Variants in NUDT5 observed in about 807,000 individuals in gnomAD.
NUDT5 encodes the protein ADP-sugar pyrophosphatase.
In NUDT5, 21 loss-of-function variants were observed where a neutral mutation model predicts 34.1. That is an observed-to-expected ratio of 0.62 (90% CI 0.44 to 0.89). The LOEUF (loss-of-function observed/expected upper bound fraction) is 0.89, where lower values mean the gene tolerates loss of function less well. Ranked by LOEUF, NUDT5 falls within the 40% of genes least tolerant of loss-of-function variation. The pLI, the probability that NUDT5 is intolerant of heterozygous loss-of-function variation, is 0.00. For missense variants in NUDT5, 249 were observed against 274.8 expected, an observed-to-expected ratio of 0.91 and a Z score of 0.66; for synonymous variants, 85 against 97.6, an observed-to-expected ratio of 0.87 and a Z score of 0.76.
intron 4 of NUDT5, 121 bp from the exon 5 acceptor site, chr10:12,178,021 C>T (rs1215870624): frequency 1.6e-6 from 1 of 616,376 alleles, no homozygotes; most frequent in Non-Finnish European, 2.9e-6. Context: ...ATCTACAATA[C>T]TGGCAGTTAA....
In NUDT5 at chr10:12,173,749, G is replaced by A. The variant is rs1277581625; in HGVS notation, c.354C>T (p.Gly118=). The stretch of plus-strand genomic sequence containing the variant: ...AACATTCGGCAATGTCCCCTTTGTA[G>A]CCAGTTTCTTCTTCAAGCTCCCGGA... The part of the protein sequence containing the change: ...AALRELEEET[G]YKGDIAECSP... Residue 118 remains glycine (G), a synonymous_variant, in exon 6 of 10, where the codon GGC becomes GGT. Coordinates refer to ENST00000491614, the MANE Select transcript of NUDT5 (RefSeq NM_014142.4). The surrounding 1 kb of genome is among the most constrained non-coding windows in gnomAD (Gnocchi z 4.7). 1.2e-6 allele frequency: 2 copies of A among 1,613,962 alleles called. No homozygotes were observed. The highest frequency in any genetic ancestry group is 4.5e-5 in the East Asian group (2 of 44,878).
In NUDT5 at chr10:12,168,063, T is replaced by C. The variant is rs911987261; in HGVS notation, c.551-252A>G. On this transcript the variant is annotated intron_variant, in intron 9 of 9. Transcript: ENST00000491614. This position sits in a 1 kb window ranked among gnomAD's most constrained non-coding sequence, Gnocchi z 4.8. ...TTTTGGTGAGACAGTCTCGCTCTGT[T>C]GCCCAAGCTAGAGGGCAATGGCGTG... Among the ~76,000 whole-genome samples, 2 of 152,036 alleles carry C rather than the reference T, an allele frequency of 1.3e-5. No individual in the cohort carries two copies. Among genetic ancestry groups the C allele is most frequent in the Non-Finnish European group, 2.9e-5 (2 of 67,984 alleles).
intron 1 of NUDT5, among the ~76,000 whole-genome samples, chr10:12,188,932 C>T (rs1224495757): frequency 6.6e-6 from 1 of 152,106 alleles, no homozygotes; most frequent in Admixed American, 6.6e-5. Flanking sequence ...ACGGAGTGAT[C>T]AGGCAAGGCC....
chr10:12,179,870 A>T (rs112738344), intron 3 of NUDT5, among the ~76,000 whole-genome samples: 171 of 152,316 alleles, frequency 1.1e-3, no homozygotes, highest in African/African-American at 4.1e-3. Flanking sequence ...TTACTGACAC[A>T]ATTATGCAGT....
rs1320837173 is a variant in NUDT5, at chr10:12,171,013, CCTGGGTTT to C, written c.488-113_488-106del. ...AAAGGCTTTGAGAATTTCACAGAAG[CCTGGGTTT>C]CTGCTAACTTAATTTATATACATTG... On this transcript the variant is annotated intron_variant, in intron 7 of 9. Transcript: ENST00000491614. This position sits in a 1 kb window ranked among gnomAD's most constrained non-coding sequence, Gnocchi z 4.2. 5 of 1,216,284 alleles carry C rather than the reference CCTGGGTTT, an allele frequency of 4.1e-6. No individual in the cohort carries two copies. The highest frequency in any genetic ancestry group is 2.3e-6 in the Non-Finnish European group (2 of 853,116). 75.3% of individuals were successfully genotyped at this position (1,216,284 alleles called of 1,614,324 possible).
intron 1 of NUDT5, among the ~76,000 whole-genome samples, chr10:12,188,525 G>A (rs1246246455): frequency 2.0e-5 from 3 of 152,122 alleles, no homozygotes; most frequent in African/African-American, 7.2e-5. Flanking sequence ...GAGGTCAAGA[G>A]ATGGAGACCA....
At chr10:12,172,726 G>A (rs1834878418) in intron 7 of NUDT5, 39 bp downstream of exon 7, 2 of 1,406,358 alleles carry the variant, frequency 1.4e-6, no homozygotes, top group Non-Finnish European at 2.0e-6. Flanking sequence ...GACACGTAAT[G>A]CAACCACACC....
chr10:12,190,962 C>A (rs1047205061), intron 1 of NUDT5, among the ~76,000 whole-genome samples: 4 of 152,106 alleles, frequency 2.6e-5, no homozygotes, highest in African/African-American at 9.7e-5. Context: ...ACCAAGAGTG[C>A]AGAGAAAGCA....
At chr10:12,192,338 G>C (rs957370908) in intron 1 of NUDT5, among the ~76,000 whole-genome samples, 3 of 151,722 alleles carry the variant, frequency 2.0e-5, no homozygotes, top group Admixed American at 6.6e-5. Context: ...AAGAAATTAA[G>C]TGGGAGAGAG....
intron 1 of NUDT5, among the ~76,000 whole-genome samples, chr10:12,186,775 A>C (rs980026545): frequency 1.1e-4 from 17 of 151,764 alleles, no homozygotes; most frequent in Non-Finnish European, 2.1e-4. Context: ...TTACAGGCAT[A>C]CATCACCAGG....
chr10:12,169,998 C>A lies in NUDT5; in HGVS notation c.550+719G>T. The A allele has an allele frequency of 2.3e-6, 2 of 886,604 alleles. No homozygotes were observed. The highest frequency in any genetic ancestry group is 3.6e-6 in the Non-Finnish European group (2 of 557,318). 54.9% of individuals were successfully genotyped at this position (886,604 alleles called of 1,614,324 possible). On this transcript the variant is annotated intron_variant, in intron 9 of 9. Coordinates refer to ENST00000491614, the MANE Select transcript of NUDT5 (RefSeq NM_014142.4). The surrounding 1 kb of genome is among the most constrained non-coding windows in gnomAD (Gnocchi z 4.8). The stretch of plus-strand genomic sequence containing the variant: ...TTTCTAGATGAGTGAAAGGGATTTG[C>A]CAGCCCATACAGAGGTGCTCCTTGA...
rs1364524811 is a variant in NUDT5 at position 12,169,927 on chromosome 10, C to T, written c.550+790G>A. ...AAAATCAGTTATCAATTACCTAAAACACTTATACCCAATAAAATATTCCCA... is the reference window on the plus strand; with the variant it reads ...AAAATCAGTTATCAATTACCTAAAATACTTATACCCAATAAAATATTCCCA... On this transcript the variant is annotated intron_variant, in intron 9 of 9. Coordinates refer to ENST00000491614, the MANE Select transcript of NUDT5 (RefSeq NM_014142.4). This position sits in a 1 kb window ranked among gnomAD's most constrained non-coding sequence, Gnocchi z 4.8. 1.8e-5 allele frequency: 10 copies of T among 550,270 alleles called. No homozygotes were observed. The highest frequency in any genetic ancestry group is 3.3e-5 in the Admixed American group (1 of 30,748). 34.1% of individuals were successfully genotyped at this position (550,270 alleles called of 1,614,324 possible).
intron 5 of NUDT5, among the ~76,000 whole-genome samples, chr10:12,176,578 T>C (rs1199751834): frequency 6.6e-6 from 1 of 152,158 alleles, no homozygotes; most frequent in Non-Finnish European, 1.5e-5. Context: ...CACTCCAGCC[T>C]GGGCAACAGA....
rs376009270 is a variant in NUDT5 at position 12,181,876 on chromosome 10, CG to C, written c.132-2745del. On this transcript the variant is annotated intron_variant, in intron 3 of 9. Coordinates refer to ENST00000491614, the MANE Select transcript of NUDT5 (RefSeq NM_014142.4). This position sits in a 1 kb window ranked among gnomAD's most constrained non-coding sequence, Gnocchi z 5.0. ...GGATATGGCCGGATGCGGTGGCTCA[CG>C]ACTGTAGTCCTAGCACTTTGGGAGG... Among the ~76,000 whole-genome samples the C allele has an allele frequency of 4.7e-4, 72 of 152,130 alleles. No homozygotes were observed. The highest frequency in any genetic ancestry group is 1.7e-3 in the African/African-American group (71 of 41,510).
Position 12,171,058 on chromosome 10 carries a change from C to A in NUDT5, c.488-150G>T. On this transcript the variant is annotated intron_variant, in intron 7 of 9. Coordinates refer to ENST00000491614, the MANE Select transcript of NUDT5 (RefSeq NM_014142.4). This position sits in a 1 kb window ranked among gnomAD's most constrained non-coding sequence, Gnocchi z 4.2. ...ATTTATATACATTGTCAAACTCGAG[C>A]AGTATGAAGTTATTGTTCTCCACAT... The A allele has an allele frequency of 1.3e-6, 1 of 798,442 alleles. No individual in the cohort carries two copies. The highest frequency in any genetic ancestry group is 2.6e-5 in the Admixed American group (1 of 38,012). The allele number at this position is 798,442 out of a possible 1,614,324, so 49.5% of individuals were successfully genotyped here.
intron 1 of NUDT5, among the ~76,000 whole-genome samples, chr10:12,191,718 GT>G (rs1835234207): frequency 1.3e-5 from 2 of 152,194 alleles, no homozygotes; most frequent in Admixed American, 1.3e-4. Context: ...GAGATCCTAT[GT>G]AAAAAATGAA....
rs567931595 is a variant in NUDT5, at chr10:12,170,360, C to A, written c.550+357G>T. On this transcript the variant is annotated intron_variant, in intron 9 of 9. Coordinates refer to ENST00000491614, the MANE Select transcript of NUDT5 (RefSeq NM_014142.4). This position sits in a 1 kb window ranked among gnomAD's most constrained non-coding sequence, Gnocchi z 4.9. Reference sequence around the variant, plus strand: ...AAGGACCATCCCTCATACTAGCATACTTGAGGAAAAGCTAACAGCTTATCT... The same window carrying A: ...AAGGACCATCCCTCATACTAGCATAATTGAGGAAAAGCTAACAGCTTATCT... 151 of 684,840 alleles carry A rather than the reference C, an allele frequency of 2.2e-4. 1 individual carries two copies. The South Asian group carries it at 2.7e-3, about 12-fold the overall frequency. The allele number at this position is 684,840 out of a possible 1,614,324, so 42.4% of individuals were successfully genotyped here.
At position 12,170,948 on chromosome 10, in the gene NUDT5, G is replaced by A. The variant is rs1216682918; in HGVS notation, c.488-40C>T. 6.2e-7 allele frequency: 1 copy of A among 1,608,992 alleles called. No individual in the cohort carries two copies. Among genetic ancestry groups the A allele is most frequent in the African/African-American group, 1.3e-5 (1 of 74,808 alleles). ...AAGGAAAACATTTCAGCAAGGCCTG[G>A]AGTGGTAACATCGGAAGACTTTTAT... On this transcript the variant is annotated intron_variant, in intron 7 of 9. Transcript: ENST00000491614. This position sits in a 1 kb window ranked among gnomAD's most constrained non-coding sequence, Gnocchi z 4.9.
At chr10:12,195,046 G>A (rs1835308976) in intron 1 of NUDT5, among the ~76,000 whole-genome samples, 1 of 152,190 alleles carries the variant, frequency 6.6e-6, no homozygotes, top group Non-Finnish European at 1.5e-5. Context: ...CGCGCTCTCA[G>A]CTACTCGAGA....
Sources: allele counts gnomAD v4.1 joint callset (sites outside exome capture counted in the v4.1 genomes callset), GRCh38; gene constraint gnomAD v4.1.1; non-coding constraint Gnocchi (gnomAD v3.1); transcripts MANE v1.5; gene names NCBI Gene and HGNC (gene_info 2026-07-23, HGNC 2026-07-21).